The following EEF1D variants were observed in gnomAD, a reference collection of about 807,000 sequenced individuals.
EEF1D encodes elongation factor 1-delta.
In EEF1D, 47 loss-of-function variants were observed where a neutral mutation model predicts 63.9. The ratio of observed to expected loss-of-function variants is 0.74; its 90% CI spans 0.58 to 0.94. The LOEUF (loss-of-function observed/expected upper bound fraction) is 0.94, where lower values mean the gene tolerates loss of function less well. Among genes scored for constraint, EEF1D ranks in the 40% least tolerant of loss-of-function variants. The probability of loss-of-function intolerance (pLI) is 0.00; values close to 1 mark genes in which losing one functional copy is unlikely to be tolerated. For synonymous variants in EEF1D, 412 were observed against 386.1 expected (o/e 1.07, Z -0.79); for missense variants, 907 against 899.0 (o/e 1.01, Z -0.11).
chr8:143,589,117 T>G lies in EEF1D; in HGVS notation c.965A>C (p.Tyr322Ser), dbSNP rs1038846640. The stretch of plus-strand genomic sequence containing the variant: ...GTGGTGGCGGCACTCGGCGCTGTCG[T>G]AGGCAGGCTTGCTGAGCCAGGGGGC... ...AEAPWLSKPA[Y>S]DSAECRHHAA... is the part of the protein sequence containing the mutation. Residue 322 changes from tyrosine to serine, a missense_variant, in exon 3 of 10, where the codon TAC (tyrosine) becomes TCC (serine). Transcript: ENST00000618139. 4 of 1,610,146 alleles carry G rather than the reference T, an allele frequency of 2.5e-6. No homozygotes were observed. In the Admixed American group the frequency reaches 6.7e-5, roughly 27 times the overall value.
At chr8:143,590,198 A>C in intron 2 of EEF1D, 117 bp from the exon 3 acceptor site, 1 of 1,192,086 alleles carries the variant, frequency 8.4e-7, no homozygotes, top group Non-Finnish European at 1.1e-6. Context: ...CTCCCTGGGC[A>C]GGGGCTGAGG....
At chr8:143,588,858 T>G (rs1435324569) in intron 3 of EEF1D, 133 bp downstream of exon 3, 1 of 1,236,890 alleles carries the variant, frequency 8.1e-7, no homozygotes, top group East Asian at 2.6e-5. Context: ...CATTCAACTC[T>G]GCTGGGCCCA....
rs745664828 is a variant in EEF1D at position 143,589,782 on chromosome 8, G to T, written c.300C>A (p.Asp100Glu). 4 of 1,569,328 alleles carry T rather than the reference G, an allele frequency of 2.5e-6. No homozygotes were observed. The East Asian group carries it at 6.7e-5, about 26-fold the overall frequency. The change falls in exon 3 of 10, where the codon GAC becomes GAA. Residue 100 changes from aspartate (D) to glutamate (E), a missense_variant. Transcript: ENST00000618139. ...CGGCCGAGAGGCCCAGGAGGGCCAG[G>T]TCCGCGGGGCCGAGCCCGCTCTTGG... Reference protein sequence around the residue: ...RSPKSGLGPADLALLGLSAER... With the variant: ...RSPKSGLGPAELALLGLSAER...
chr8:143,586,062 C>CAA (rs1826524912), intron 5 of EEF1D, 157 bp downstream of exon 5: 1 of 593,886 alleles, frequency 1.7e-6, no homozygotes, highest in Non-Finnish European at 3.0e-6. Flanking sequence ...GCAGTCCGGG[C>CAA]ATGGAGGTCA....
chr8:143,591,322 G>A (rs1349598686), intron 2 of EEF1D, among the ~76,000 whole-genome samples: 1 of 152,218 alleles, frequency 6.6e-6, no homozygotes, highest in African/African-American at 2.4e-5. Context: ...AGCTCTGGGC[G>A]ACCTCAGTCA....
At chr8:143,592,359 G>T in intron 2 of EEF1D, 1 of 857,130 alleles carries the variant, frequency 1.2e-6, no homozygotes, top group Non-Finnish European at 1.4e-6. Context: ...GCCACTTCAA[G>T]GCTCCTACCG....
chr8:143,591,999 G>A, intron 2 of EEF1D: 1 of 979,028 alleles, frequency 1.0e-6, no homozygotes, highest in Non-Finnish European at 1.2e-6. Flanking sequence ...CACCAACGAG[G>A]AACCGGGGCC....
At chr8:143,588,069 C>T (rs563090259) in intron 3 of EEF1D, among the ~76,000 whole-genome samples, 6 of 152,298 alleles carry the variant, frequency 3.9e-5, no homozygotes, top group African/African-American at 9.6e-5. Context: ...GACACTCTCT[C>T]GGCAAGGAGG....
chr8:143,593,527 C>T (rs535211017), intron 1 of EEF1D, among the ~76,000 whole-genome samples: 3 of 152,284 alleles, frequency 2.0e-5, no homozygotes, highest in Non-Finnish European at 2.9e-5. Flanking sequence ...ACGGGAGCTC[C>T]GGCCCCAGGG....
rs568369804 is a variant in EEF1D, at chr8:143,579,763, G to A, written c.*29C>T. 1.9e-5 allele frequency: 29 copies of A among 1,523,322 alleles called. No homozygotes were observed. The highest frequency in any genetic ancestry group is 5.5e-5 in the African/African-American group (4 of 72,130). 94.4% of individuals were successfully genotyped at this position (1,523,322 alleles called of 1,614,324 possible). A position where few individuals can be genotyped will look rare whatever the true frequency, so the allele number is the denominator to read the frequency against. On this transcript the variant is annotated 3_prime_UTR_variant, in exon 10 of 10. Coordinates refer to ENST00000618139, the MANE Select transcript of EEF1D (RefSeq NM_001130053.5). Reference sequence around the variant, plus strand: ...GTCTTTAATCGTGGCAGGGCCTCACGCACGCGCGCACGTACACACACTCAG... The same window carrying A: ...GTCTTTAATCGTGGCAGGGCCTCACACACGCGCGCACGTACACACACTCAG...
In EEF1D at chr8:143,586,821, CAT is replaced by C; in HGVS notation, c.1121_1122del (p.His374ArgfsTer11). 2 of 1,614,196 alleles carry C rather than the reference CAT, an allele frequency of 1.2e-6. No homozygotes were observed. The highest frequency in any genetic ancestry group is 1.1e-5 in the South Asian group (1 of 91,080). On this transcript the variant is annotated frameshift_variant, in exon 4 of 10. Transcript: ENST00000618139. LOFTEE classifies it high-confidence loss of function. ...TTGAACTTGTCGAACCAGATCTTCT[CAT>C]GTGCTAGGAAGTTTGTAGCCATTTT... ...NRKMATNFLA[H>X]EKIWFDKFKY...
At position 143,587,640 on chromosome 8, in the gene EEF1D, T is replaced by A. The variant is rs543651094; in HGVS notation, c.1092-788A>T. On this transcript the variant is annotated intron_variant, in intron 3 of 9. Transcript: ENST00000618139. ...CACCGTGCCCGGCCCATTTCTCAGT[T>A]TTAATTGCTAATGTGGTAAAAATCA... 4 of 152,406 alleles carry A rather than the reference T, an allele frequency of 2.6e-5. No individual in the cohort carries two copies. In the South Asian group the frequency reaches 8.3e-4, roughly 32 times the overall value. The allele number at this position is 152,406 out of a possible 1,614,324, so 9.4% of individuals were successfully genotyped here.
Position 143,588,997 on chromosome 8 carries a change from C to T in EEF1D, c.1085G>A (p.Arg362Lys), listed in dbSNP as rs780283454. Residue 362 changes from arginine to lysine, a missense_variant, in exon 3 of 10, where the codon AGA (arginine) becomes AAA (lysine). By Grantham distance (26) the Arg-to-Lys change is conservative. Transcript: ENST00000618139. ...PRSGLSVSSL[R>K]PNRKMATNFL... ...CCCAGCACGTTTCTCCTACTTGGGT[C>T]TCAGGCTGGACACGGACAGGCCAGA... The T allele has an allele frequency of 1.0e-5, 16 of 1,595,938 alleles. No individual in the cohort carries two copies. The highest frequency in any genetic ancestry group is 1.3e-5 in the African/African-American group (1 of 74,844).
intron 5 of EEF1D, chr8:143,581,602 G>A (rs750205402): frequency 2.8e-5 from 15 of 537,316 alleles, no homozygotes; most frequent in Non-Finnish European, 4.0e-5. Flanking sequence ...GCTGCTGCCC[G>A]GCGGAATCCT....
At chr8:143,593,863 G>A (rs1828375027) in intron 1 of EEF1D, 3 of 985,424 alleles carry the variant, frequency 3.0e-6, no homozygotes, top group Non-Finnish European at 3.6e-6. Context: ...GCATTCCCAA[G>A]CATGGGAGGA....
In EEF1D at chr8:143,581,098, C is replaced by G. The variant is rs1232236938; in HGVS notation, c.1444G>C (p.Glu482Gln). The G allele has an allele frequency of 1.2e-6, 2 of 1,612,784 alleles. No individual in the cohort carries two copies. The highest frequency in any genetic ancestry group is 2.2e-5 in the East Asian group (1 of 44,888). Residue 482 changes from glutamate to glutamine, a missense_variant, in exon 7 of 10, where the codon GAG becomes CAG. By Grantham distance (29) the Glu-to-Gln change is conservative. Transcript: ENST00000618139. The stretch of plus-strand genomic sequence containing the variant: ...GCCCGGTGGCCAGGCGAGCTCTTCT[C>G]CAGCACGTTCAGCCGGGCCTCCAGC... ...SKLEARLNVL[E>Q]KSSPGHRATA...
At chr8:143,590,636 G>A (rs2131180088) in intron 2 of EEF1D, 2 of 1,005,606 alleles carry the variant, frequency 2.0e-6, no homozygotes, top group East Asian at 1.0e-4. Context: ...CAGGCACGGT[G>A]GCTCACACCT....
chr8:143,589,915 T>A lies in EEF1D; in HGVS notation c.167A>T (p.Asp56Val), dbSNP rs1827607253. 1 of 1,599,030 alleles carries A rather than the reference T, an allele frequency of 6.3e-7. No homozygotes were observed. The highest frequency in any genetic ancestry group is 8.5e-7 in the Non-Finnish European group (1 of 1,177,114). Residue 56 changes from aspartate to valine, a missense_variant, in exon 3 of 10, where the codon GAC (aspartate) becomes GTC (valine). Transcript: ENST00000618139. ...GPAMNGPGQD[D>V]PEDADEAEAP... ...TTCCGCCTCATCAGCGTCCTCAGGGTCGTCCTGGCCGGGCCCATTCATGGC... is the reference window on the plus strand; with the variant it reads ...TTCCGCCTCATCAGCGTCCTCAGGGACGTCCTGGCCGGGCCCATTCATGGC...
chr8:143,595,854 G>C (rs1201527228), intron 1 of EEF1D, among the ~76,000 whole-genome samples: 2 of 152,220 alleles, frequency 1.3e-5, no homozygotes, highest in Non-Finnish European at 2.9e-5. Context: ...CGGCACCCTT[G>C]GCTGTCAGCG....
Sources: allele counts gnomAD v4.1 joint callset (sites outside exome capture counted in the v4.1 genomes callset), GRCh38; gene constraint gnomAD v4.1.1; transcripts MANE v1.5; gene names NCBI Gene and HGNC (gene_info 2026-07-23, HGNC 2026-07-21).